BBS1: variants seen among roughly 807,000 people sequenced by gnomAD.
BBS1 encodes the protein Bardet-Biedl syndrome 1, also known as BBSome complex member BBS1.
Under a neutral mutation model 73.9 loss-of-function variants are expected in BBS1, and 60 were observed. The observed-to-expected ratio is 0.81, with a 90% CI of 0.66 to 1.01. BBS1 has a LOEUF of 1.01. Ranked by LOEUF, BBS1 falls within the 50% of genes least tolerant of loss-of-function variation. The probability of loss-of-function intolerance (pLI) is 0.00; values close to 1 mark genes in which losing one functional copy is unlikely to be tolerated. For synonymous variants in BBS1, 283 were observed against 317.4 expected (o/e 0.89, Z 1.15); for missense variants, 718 against 770.3 (o/e 0.93, Z 0.80).
intron 14 of BBS1, among the ~76,000 whole-genome samples, chr11:66,530,325 CT>C (rs1856719425): frequency 6.6e-6 from 1 of 152,164 alleles, no homozygotes; most frequent in Admixed American, 6.5e-5. Flanking sequence ...CGTGTTAGGA[CT>C]GCTGGGTACA....
At chr11:66,525,311 A>G (rs1046712510) in intron 11 of BBS1, among the ~76,000 whole-genome samples, 12 of 152,218 alleles carry the variant, frequency 7.9e-5, no homozygotes, top group Admixed American at 5.2e-4. Context: ...GTGAACTGAG[A>G]TCGCGCCACT....
chr11:66,510,910 CGTTCT>C, intron 1 of BBS1, 98 bp from the exon 2 acceptor site: 7 of 1,431,772 alleles, frequency 4.9e-6, no homozygotes, highest in Non-Finnish European at 6.9e-6. Context: ...TGTACCCAGA[CGTTCT>C]GTACCTTATG....
intron 15 of BBS1, 42 bp from the exon 16 acceptor site, chr11:66,531,614 G>A: frequency 6.2e-7 from 1 of 1,613,648 alleles, no homozygotes; most frequent in East Asian, 2.2e-5. Flanking sequence ...CCAAACACTG[G>A]CACGAGGGCT....
chr11:66,520,297 G>T (rs1219143087), intron 8 of BBS1: 1 of 157,504 alleles, frequency 6.3e-6, no homozygotes, highest in Non-Finnish European at 1.4e-5. Flanking sequence ...TTTGTTTTTT[G>T]TTTTTGAGGC....
chr11:66,511,212 A>G lies in BBS1; in HGVS notation c.132A>G (p.Ala44=), dbSNP rs2134765700. 16 of 1,614,110 alleles carry G rather than the reference A, an allele frequency of 9.9e-6. No homozygotes were observed. The highest frequency in any genetic ancestry group is 1.4e-5 in the Non-Finnish European group (16 of 1,180,042). Residue 44 remains alanine, a synonymous_variant, in exon 3 of 17, where the codon GCA becomes GCG. Transcript: ENST00000318312. ...GGCCCTTTTGTTTTCCAGCGCTGGC[A>G]GATTTACATGGGGATGGGGAATACA... The part of the protein sequence containing the change: ...IHTFSACLAL[A]DLHGDGEYKL...
intron 15 of BBS1, 112 bp from the exon 16 acceptor site, chr11:66,531,544 C>T: frequency 1.4e-6 from 2 of 1,406,128 alleles, no homozygotes; most frequent in Non-Finnish European, 2.0e-6. Flanking sequence ...GTTGTCCTGC[C>T]CACCCTGCAG....
intron 1 of BBS1, 103 bp from the exon 2 acceptor site, chr11:66,510,910 C>T (rs1855927135): frequency 2.8e-6 from 4 of 1,431,654 alleles, no homozygotes; most frequent in East Asian, 2.3e-5. Flanking sequence ...TGTACCCAGA[C>T]GTTCTGTACC....
At chr11:66,517,754 C>A (rs1178017533) in intron 7 of BBS1, among the ~76,000 whole-genome samples, 1 of 152,024 alleles carries the variant, frequency 6.6e-6, no homozygotes, top group African/African-American at 2.4e-5. Flanking sequence ...GTGTGAGCCA[C>A]CACGCCCATC....
At position 66,518,687 on chromosome 11, in the gene BBS1, A is replaced by G. The variant is rs531755203; in HGVS notation, c.592-930A>G. 2.0e-5 allele frequency among the ~76,000 whole-genome samples: 3 copies of G among 151,362 alleles called. No individual in the cohort carries two copies. In the East Asian group the frequency reaches 5.9e-4, roughly 30 times the overall value. On this transcript the variant is annotated intron_variant, in intron 7 of 16. Transcript: ENST00000318312. ...TCACCATTTTGGCCAGGCTGGTCTTAAACTTCTGACCACTTCAGCCTCCCA... is the reference window on the plus strand; with the variant it reads ...TCACCATTTTGGCCAGGCTGGTCTTGAACTTCTGACCACTTCAGCCTCCCA...
chr11:66,519,641 T>G lies in BBS1; in HGVS notation c.616T>G (p.Leu206Val), dbSNP rs146052054. Residue 206 changes from leucine to valine, a missense_variant, in exon 8 of 17, where the codon TTG becomes GTG. Coordinates refer to ENST00000318312, the MANE Select transcript of BBS1 (RefSeq NM_024649.5). ...RQTVITTMTTLKKNLADEDAV... is the reference protein window; with the variant it reads ...RQTVITTMTTVKKNLADEDAV... ...GACAGTCATCACCACCATGACCACCTTGAAGAAGAACCTGGCTGACGAGGA... is the reference window on the plus strand; with the variant it reads ...GACAGTCATCACCACCATGACCACCGTGAAGAAGAACCTGGCTGACGAGGA... 1,696 of 1,613,930 alleles carry G rather than the reference T, an allele frequency of 1.1e-3. 2 individuals are homozygous for G. Among genetic ancestry groups the G allele is most frequent in the Non-Finnish European group, 1.4e-3 (1,598 of 1,179,938 alleles).
Position 66,531,694 on chromosome 11 carries a change from G to A in BBS1, c.1647G>A (p.Glu549=). The change falls in exon 16 of 17, where the codon GAG becomes GAA. Residue 549 remains glutamate, a synonymous_variant. Coordinates refer to ENST00000318312, the MANE Select transcript of BBS1 (RefSeq NM_024649.5). ...TGCCAGGGCTCAACTACCCCCTGGA[G>A]ACCTTTGTGGAGAGTCTCAGTAACA... is the stretch of plus-strand genomic sequence containing the variant. ...LLVPGLNYPL[E]TFVESLSNKG... 6.2e-7 allele frequency: 1 copy of A among 1,614,128 alleles called. No individual in the cohort carries two copies. The highest frequency in any genetic ancestry group is 8.5e-7 in the Non-Finnish European group (1 of 1,180,000).
chr11:66,510,682 A>G lies in BBS1; in HGVS notation c.23A>G (p.Asp8Gly). The change falls in exon 1 of 17, where the codon GAT becomes GGT. Residue 8 changes from aspartate (D) to glycine (G), a missense_variant. Physicochemically the swap from Asp to Gly is moderately conservative, Grantham distance 94 (BLOSUM62 -1). Transcript: ENST00000318312. MAAASSS[D>G]SDACGAESNE... ...AAGATGGCCGCTGCGTCCTCATCGG[A>G]TTCCGACGCCTGCGGAGCTGAGAGG... The G allele has an allele frequency of 6.2e-7, 1 of 1,614,154 alleles. No individual in the cohort carries two copies. Among genetic ancestry groups the G allele is most frequent in the Non-Finnish European group, 8.5e-7 (1 of 1,180,012 alleles).
intron 14 of BBS1, 37 bp downstream of exon 14, chr11:66,529,989 G>A: frequency 6.3e-7 from 1 of 1,581,034 alleles, no homozygotes; most frequent in Non-Finnish European, 8.5e-7. Flanking sequence ...AGGGCCAGAG[G>A]GGCAGAGGCC....
rs1856036059 is a variant in BBS1, at chr11:66,515,716, C to G, written c.503C>G (p.Ser168Cys). The G allele has an allele frequency of 6.2e-7, 1 of 1,614,094 alleles. No homozygotes were observed. The highest frequency in any genetic ancestry group is 1.3e-5 in the African/African-American group (1 of 74,922). ...SIRETAEEPL[S>C]IQSLRFLQLE... ...AGGGAGACGGCAGAGGAGCCTTTGT[C>G]CATCCAGTCACTCAGGTAAGGACCC... Residue 168 changes from serine to cysteine, a missense_variant, in exon 6 of 17, where the codon TCC becomes TGC. Ser to Cys is a moderately radical substitution (Grantham distance 112). Transcript: ENST00000318312.
chr11:66,527,043 A>C, intron 13 of BBS1: 1 of 1,534,228 alleles, frequency 6.5e-7, no homozygotes, highest in Middle Eastern at 1.7e-4. Flanking sequence ...AATTCAGGGA[A>C]GGGAGCAGTC....
intron 9 of BBS1, chr11:66,521,641 C>T: frequency 2.2e-6 from 1 of 451,948 alleles, no homozygotes; most frequent in Non-Finnish European, 4.1e-6. Flanking sequence ...CGCTGTGGCT[C>T]ACGCCTGTAA....
At chr11:66,526,058 C>G in intron 11 of BBS1, 65 bp from the exon 12 acceptor site, 1 of 1,470,546 alleles carries the variant, frequency 6.8e-7, no homozygotes, top group Non-Finnish European at 9.5e-7. Flanking sequence ...CCTCCCCTAC[C>G]CATCCCCTGT....
chr11:66,526,538 C>T (rs1205790034), intron 12 of BBS1, 111 bp from the exon 13 acceptor site: 11 of 1,356,214 alleles, frequency 8.1e-6, no homozygotes, highest in African/African-American at 4.3e-5. Context: ...GTCTGGAAGA[C>T]GGATGTGTAC....
chr11:66,521,483 C>T lies in BBS1; in HGVS notation c.830+107C>T, dbSNP rs182329044. 3.7e-4 allele frequency: 325 copies of T among 882,972 alleles called. 2 individuals are homozygous for T. In the African/African-American group the frequency reaches 5.0e-3, roughly 14 times the overall value. 54.7% of individuals were successfully genotyped at this position (882,972 alleles called of 1,614,324 possible). ...GCTTTAAGGCTGGAATTTGGAAATG[C>T]AAAGAGCTGAGAACTTCATAAAGGA... On this transcript the variant is annotated intron_variant, in intron 9 of 16. Transcript: ENST00000318312.
Sources: gnomAD v4.1 joint callset for allele counts (sites outside exome capture counted in the v4.1 genomes callset) on GRCh38, gnomAD v4.1.1 for gene constraint, MANE v1.5 for transcripts, NCBI Gene and HGNC (gene_info 2026-07-23, HGNC 2026-07-21) for gene names.